VPS33B: variants seen among roughly 807,000 people sequenced by gnomAD.
The protein encoded by VPS33B is vacuolar protein sorting-associated protein 33B.
In VPS33B, 80 loss-of-function variants were observed where a neutral mutation model predicts 95.3. That is an observed-to-expected ratio of 0.84 (90% CI 0.70 to 1.01). VPS33B has a LOEUF of 1.01. Among genes scored for constraint, VPS33B ranks in the 50% least tolerant of loss-of-function variants. VPS33B has a pLI of 0.00. For synonymous variants in VPS33B, 280 were observed against 280.4 expected (o/e 1.00, Z 0.01); for missense variants, 715 against 773.4 (o/e 0.92, Z 0.90).
At chr15:91,021,901 G>A (rs1205097010) in intron 1 of VPS33B, among the ~76,000 whole-genome samples, 2 of 152,158 alleles carry the variant, frequency 1.3e-5, no homozygotes, top group Non-Finnish European at 2.9e-5. Flanking sequence ...CCATCTTTCC[G>A]TCCCTAGGGA....
At position 91,001,187 on chromosome 15, in the gene VPS33B, A is replaced by G. The variant is rs72759321; in HGVS notation, c.1479+202T>C. On this transcript the variant is annotated intron_variant, in intron 19 of 22. Transcript: ENST00000333371. ...AAAAATTAGCTGGGCGTGGTGGCAC[A>G]TGCCTGTAATCCCTTGGGAGGCTGA... Among the ~76,000 whole-genome samples the G allele has an allele frequency of 0.12, 18,180 of 151,912 alleles. 1,696 individuals carry two copies. The highest frequency in any genetic ancestry group is 0.47 in the East Asian group (2,410 of 5,138).
rs2041128494 is a variant in VPS33B, at chr15:91,022,295, T to C, written c.-46A>G. 4 of 1,509,026 alleles carry C rather than the reference T, an allele frequency of 2.7e-6. No individual in the cohort carries two copies. Among genetic ancestry groups the C allele is most frequent in the Non-Finnish European group, 2.7e-6 (3 of 1,119,884 alleles). The allele number at this position is 1,509,026 out of a possible 1,614,324, so 93.5% of individuals were successfully genotyped here. A position where few individuals can be genotyped will look rare whatever the true frequency, so the allele number is the denominator to read the frequency against. ...CGGGGTGGAAGGACGCCCTTCGTTC[T>C]GAGAAGGCCGGCCGCAGCCCAGGGA... On this transcript the variant is annotated 5_prime_UTR_variant, in exon 1 of 23. Transcript: ENST00000333371.
Position 91,000,637 on chromosome 15 carries a change from C to A in VPS33B, c.1480-46G>T. The A allele has an allele frequency of 6.4e-7, 1 of 1,565,256 alleles. No individual in the cohort carries two copies. The highest frequency in any genetic ancestry group is 1.1e-5 in the South Asian group (1 of 89,520). On this transcript the variant is annotated intron_variant, in intron 19 of 22. Transcript: ENST00000333371. The surrounding 1 kb of genome is among the most constrained non-coding windows in gnomAD (Gnocchi z 4.9). ...ATTAGGCAAGTGACAGCTCAGCTCCCTAACCCTTTAAAGGGTCAGATAAAG... is the reference window on the plus strand; with the variant it reads ...ATTAGGCAAGTGACAGCTCAGCTCCATAACCCTTTAAAGGGTCAGATAAAG...
chr15:91,002,775 C>G lies in VPS33B; in HGVS notation c.1272+310G>C, dbSNP rs950892147. Among the ~76,000 whole-genome samples, 6 of 152,106 alleles carry G rather than the reference C, an allele frequency of 3.9e-5. No homozygotes were observed. Among genetic ancestry groups the G allele is most frequent in the African/African-American group, 1.4e-4 (6 of 41,404 alleles). On this transcript the variant is annotated intron_variant, in intron 17 of 22. Coordinates refer to ENST00000333371, the MANE Select transcript of VPS33B (RefSeq NM_018668.5). The surrounding 1 kb of genome is among the most constrained non-coding windows in gnomAD (Gnocchi z 4.7). ...ACTTGAGAAGTACCAGGAAGGAAAG[C>G]TGAATCAATGCCTCACACGGTGCTA...
intron 2 of VPS33B, 77 bp from the exon 3 acceptor site, chr15:91,017,101 T>C (rs1026778005): frequency 3.7e-6 from 5 of 1,336,966 alleles, no homozygotes; most frequent in Non-Finnish European, 4.3e-6. Flanking sequence ...GATAGGGGAC[T>C]TCTTGAGGGC....
rs2040655253 is a variant in VPS33B, at chr15:91,007,682, T to C, written c.499-109A>G. 7.7e-6 allele frequency: 10 copies of C among 1,302,986 alleles called. No homozygotes were observed. Among genetic ancestry groups the C allele is most frequent in the African/African-American group, 5.8e-5 (4 of 68,764 alleles). 80.7% of individuals were successfully genotyped at this position (1,302,986 alleles called of 1,614,324 possible). On this transcript the variant is annotated intron_variant, in intron 7 of 22. Transcript: ENST00000333371. The surrounding 1 kb of genome is among the most constrained non-coding windows in gnomAD (Gnocchi z 5.3). ...CAGGGTGGCAGGGCCTGGGGGATGC[T>C]TGAAAGGTTTTCATTGGCTCCACAG...
intron 16 of VPS33B, among the ~76,000 whole-genome samples, chr15:91,003,589 G>A (rs563987795): frequency 7.9e-5 from 12 of 152,088 alleles, no homozygotes; most frequent in East Asian, 3.9e-4. Context: ...ACAGGCATGC[G>A]CCACCACACC....
Position 91,001,198 on chromosome 15 carries a change from C to T in VPS33B, c.1479+191G>A, listed in dbSNP as rs565872501. ...GGGCGTGGTGGCACATGCCTGTAAT[C>T]CCTTGGGAGGCTGAGGCAGGAGAAT... On this transcript the variant is annotated intron_variant, in intron 19 of 22. Coordinates refer to ENST00000333371, the MANE Select transcript of VPS33B (RefSeq NM_018668.5). 2.6e-4 allele frequency among the ~76,000 whole-genome samples: 39 copies of T among 151,952 alleles called. No homozygotes were observed. In the South Asian group the frequency reaches 7.3e-3, roughly 28 times the overall value.
In VPS33B at chr15:91,010,841, G is replaced by C. The variant is rs558120776; in HGVS notation, c.358-995C>G. ...GTCAAATGCCAGGGAAGTTAAGTAG[G>C]ATTAACATTAAATAGACACCAGTGG... On this transcript the variant is annotated intron_variant, in intron 5 of 22. Transcript: ENST00000333371. The surrounding 1 kb of genome is among the most constrained non-coding windows in gnomAD (Gnocchi z 5.7). Among the ~76,000 whole-genome samples the C allele has an allele frequency of 5.0e-4, 76 of 152,298 alleles. No homozygotes were observed. The highest frequency in any genetic ancestry group is 7.5e-4 in the Non-Finnish European group (51 of 68,026).
Position 91,007,828 on chromosome 15 carries a change from C to T in VPS33B, c.498+42G>A. 3 of 1,576,408 alleles carry T rather than the reference C, an allele frequency of 1.9e-6. No individual in the cohort carries two copies. In the South Asian group the frequency reaches 3.3e-5, roughly 17 times the overall value. ...CTAGCCCTCTGCATCCCACATTTGTCCCCATCCCCTGATGCCAAGACACAA... is the reference window on the plus strand; with the variant it reads ...CTAGCCCTCTGCATCCCACATTTGTTCCCATCCCCTGATGCCAAGACACAA... On this transcript the variant is annotated intron_variant, in intron 7 of 22. Coordinates refer to ENST00000333371, the MANE Select transcript of VPS33B (RefSeq NM_018668.5). The surrounding 1 kb of genome is among the most constrained non-coding windows in gnomAD (Gnocchi z 5.3).
In VPS33B at chr15:91,002,796, T is replaced by A. The variant is rs1488291439; in HGVS notation, c.1272+289A>T. On this transcript the variant is annotated intron_variant, in intron 17 of 22. Coordinates refer to ENST00000333371, the MANE Select transcript of VPS33B (RefSeq NM_018668.5). The surrounding 1 kb of genome is among the most constrained non-coding windows in gnomAD (Gnocchi z 4.7). ...AAAGCTGAATCAATGCCTCACACGG[T>A]GCTAAAATGAGGGAGACTCCCAGGA... Among the ~76,000 whole-genome samples, 1 of 151,944 alleles carries A rather than the reference T, an allele frequency of 6.6e-6. No homozygotes were observed. The highest frequency in any genetic ancestry group is 1.5e-5 in the Non-Finnish European group (1 of 67,994).
Position 91,002,981 on chromosome 15 carries a change from G to T in VPS33B, c.1272+104C>A. On this transcript the variant is annotated intron_variant, in intron 17 of 22. Coordinates refer to ENST00000333371, the MANE Select transcript of VPS33B (RefSeq NM_018668.5). This position sits in a 1 kb window ranked among gnomAD's most constrained non-coding sequence, Gnocchi z 4.7. ...GAGGGAGGCCTGAATGGAAACAGGA[G>T]GGTAATGGAGGCAGGAAAGGGGCCA... is the stretch of plus-strand genomic sequence containing the variant. 1 of 1,238,156 alleles carries T rather than the reference G, an allele frequency of 8.1e-7. No individual in the cohort carries two copies. Among genetic ancestry groups the T allele is most frequent in the South Asian group, 1.2e-5 (1 of 83,294 alleles). The allele number at this position is 1,238,156 out of a possible 1,614,324, so 76.7% of individuals were successfully genotyped here. A position where few individuals can be genotyped will look rare whatever the true frequency, so the allele number is the denominator to read the frequency against.
Position 90,999,586 on chromosome 15 carries a change from T to C in VPS33B, c.1774+91A>G, listed in dbSNP as rs972834055. ...TGCCCGCCTCCGCCTCCCAAAGTGC[T>C]GAGATTACAGGTATGAACCACCGTG... On this transcript the variant is annotated intron_variant, in intron 22 of 22. Coordinates refer to ENST00000333371, the MANE Select transcript of VPS33B (RefSeq NM_018668.5). The surrounding 1 kb of genome is among the most constrained non-coding windows in gnomAD (Gnocchi z 5.1). 7.3e-7 allele frequency: 1 copy of C among 1,378,594 alleles called. No homozygotes were observed. Among genetic ancestry groups the C allele is most frequent in the Admixed American group, 1.7e-5 (1 of 59,564 alleles). 85.4% of individuals were successfully genotyped at this position (1,378,594 alleles called of 1,614,324 possible).
chr15:91,007,759 T>C lies in VPS33B; in HGVS notation c.498+111A>G. On this transcript the variant is annotated intron_variant, in intron 7 of 22. Transcript: ENST00000333371. This position sits in a 1 kb window ranked among gnomAD's most constrained non-coding sequence, Gnocchi z 5.3. ...CACTCAATCACCACATCACTATCACTTGTGATAAATTACTTGCGTTGGACA... is the reference window on the plus strand; with the variant it reads ...CACTCAATCACCACATCACTATCACCTGTGATAAATTACTTGCGTTGGACA... 1.7e-6 allele frequency: 2 copies of C among 1,199,874 alleles called. No individual in the cohort carries two copies. The highest frequency in any genetic ancestry group is 3.4e-5 in the Admixed American group (2 of 59,532). 74.3% of individuals were successfully genotyped at this position (1,199,874 alleles called of 1,614,324 possible).
At position 91,013,733 on chromosome 15, in the gene VPS33B, T is replaced by C; in HGVS notation, c.357+71A>G. The C allele has an allele frequency of 6.5e-7, 1 of 1,528,938 alleles. No homozygotes were observed. The highest frequency in any genetic ancestry group is 9.1e-7 in the Non-Finnish European group (1 of 1,103,350). 94.7% of individuals were successfully genotyped at this position (1,528,938 alleles called of 1,614,324 possible). On this transcript the variant is annotated intron_variant, in intron 5 of 22. Transcript: ENST00000333371. The surrounding 1 kb of genome is among the most constrained non-coding windows in gnomAD (Gnocchi z 4.5). ...AACGGAGACAGGGAGGTAGTGCTGT[T>C]GGCCCCTTACCCCTGCCCGGTCCTC...
At chr15:91,012,737 G>A (rs768790621) in intron 5 of VPS33B, among the ~76,000 whole-genome samples, 3 of 152,162 alleles carry the variant, frequency 2.0e-5, no homozygotes, top group Non-Finnish European at 2.9e-5. Context: ...GAGGATGCAC[G>A]TAGCTGATGT....
chr15:91,020,399 G>C (rs147548592), intron 1 of VPS33B, among the ~76,000 whole-genome samples: 85 of 152,328 alleles, frequency 5.6e-4, no homozygotes, highest in African/African-American at 2.0e-3. Flanking sequence ...AAGTTAGTTA[G>C]GAGAGGACGT....
rs1451806196 is a variant in VPS33B at position 91,018,084 on chromosome 15, T to C, written c.97-199A>G. 1 of 598,232 alleles carries C rather than the reference T, an allele frequency of 1.7e-6. No individual in the cohort carries two copies. The highest frequency in any genetic ancestry group is 3.0e-6 in the Non-Finnish European group (1 of 328,876). 37.1% of individuals were successfully genotyped at this position (598,232 alleles called of 1,614,324 possible). On this transcript the variant is annotated intron_variant, in intron 1 of 22. Coordinates refer to ENST00000333371, the MANE Select transcript of VPS33B (RefSeq NM_018668.5). This position sits in a 1 kb window ranked among gnomAD's most constrained non-coding sequence, Gnocchi z 4.7. ...ATTTACCTATTTTGCCTTCTCGTTT[T>C]CTGTACCAGTGGGAAGAAGACATCC...
intron 1 of VPS33B, 40 bp from the exon 2 acceptor site, chr15:91,017,925 A>T (rs772863519): frequency 1.9e-6 from 3 of 1,603,576 alleles, no homozygotes; most frequent in South Asian, 2.2e-5. Context: ...CACAGGTCAC[A>T]TGAGCTTCCG....
Sources: gnomAD v4.1 joint callset for allele counts (sites outside exome capture counted in the v4.1 genomes callset) on GRCh38, gnomAD v4.1.1 for gene constraint, Gnocchi (gnomAD v3.1) non-coding constraint, MANE v1.5 for transcripts, NCBI Gene and HGNC (gene_info 2026-07-23, HGNC 2026-07-21) for gene names.